Variants in SNX19 observed in about 807,000 individuals in gnomAD.
SNX19 encodes the protein sorting nexin 19.
In SNX19, 60 loss-of-function variants were observed where a neutral mutation model predicts 85.2. The observed-to-expected ratio is 0.70, with a 90% confidence interval of 0.57 to 0.87. The LOEUF (loss-of-function observed/expected upper bound fraction) is 0.87, where lower values mean the gene tolerates loss of function less well. Ranked by LOEUF, SNX19 falls within the 40% of genes least tolerant of loss-of-function variation. The pLI, the probability that SNX19 is intolerant of heterozygous loss-of-function variation, is 0.00. For missense variants in SNX19, 1,201 were observed against 1,217.8 expected (o/e 0.99, Z 0.21); for synonymous variants, 520 against 470.0 (o/e 1.11, Z -1.38).
chr11:130,896,721 T>C (rs1230819793), intron 8 of SNX19, among the ~76,000 whole-genome samples: 1 of 152,234 alleles, frequency 6.6e-6, no homozygotes, highest in African/African-American at 2.4e-5. Flanking sequence ...TACATGTCTA[T>C]CTCATAGAAT....
intron 8 of SNX19, among the ~76,000 whole-genome samples, chr11:130,882,797 A>C (rs1399985478): frequency 6.6e-6 from 1 of 152,172 alleles, no homozygotes; most frequent in Non-Finnish European, 1.5e-5. Flanking sequence ...CTTCACCTCA[A>C]GCCATGTATA....
intron 7 of SNX19, among the ~76,000 whole-genome samples, chr11:130,905,379 G>A (rs1475291766): frequency 5.9e-5 from 9 of 152,122 alleles, no homozygotes; most frequent in Admixed American, 3.3e-4. Context: ...TCTTGAACAC[G>A]TTACATTTCA....
intron 8 of SNX19, among the ~76,000 whole-genome samples, chr11:130,895,851 G>T (rs1163099009): frequency 6.6e-6 from 1 of 152,160 alleles, no homozygotes; most frequent in Non-Finnish European, 1.5e-5. Flanking sequence ...ATCCTAAGAT[G>T]GGTGTAGAAT....
intron 2 of SNX19, 132 bp from the exon 3 acceptor site, chr11:130,910,502 T>TC: frequency 1.5e-6 from 1 of 684,740 alleles, no homozygotes. Flanking sequence ...TTTCAGGACT[T>TC]CCAAATATAC....
intron 8 of SNX19, among the ~76,000 whole-genome samples, chr11:130,895,308 T>A (rs1178497598): frequency 6.6e-6 from 1 of 152,192 alleles, no homozygotes; most frequent in Non-Finnish European, 1.5e-5. Context: ...AAGACTCAGT[T>A]TCCATTTTGC....
In SNX19 at chr11:130,872,039, G is replaced by A. The variant is rs774860111; in HGVS notation, c.*6383C>T. 6.6e-6 allele frequency among the ~76,000 whole-genome samples: 1 copy of A among 152,008 alleles called. No individual in the cohort carries two copies. The stretch of plus-strand genomic sequence containing the variant: ...TGTTTTTTTAATTCTCCCCTCCTAA[G>A]CTTCCACATCCCAGAGATGGTGTGC... On this transcript the variant is annotated 3_prime_UTR_variant, in exon 11 of 11. Coordinates refer to ENST00000265909, the MANE Select transcript of SNX19 (RefSeq NM_014758.3).
intron 2 of SNX19, 64 bp from the exon 3 acceptor site, chr11:130,910,434 T>C (rs1946018238): frequency 8.5e-7 from 1 of 1,171,766 alleles, no homozygotes; most frequent in South Asian, 1.4e-5. Flanking sequence ...CTATTCCATA[T>C]AAAACATATA....
rs2135249277 is a variant in SNX19, at chr11:130,871,267, A to G, written c.*7155T>C. Among the ~76,000 whole-genome samples, 1 of 152,286 alleles carries G rather than the reference A, an allele frequency of 6.6e-6. No individual in the cohort carries two copies. Among genetic ancestry groups the G allele is most frequent in the East Asian group, 1.9e-4 (1 of 5,180 alleles). On this transcript the variant is annotated 3_prime_UTR_variant, in exon 11 of 11. Coordinates refer to ENST00000265909, the MANE Select transcript of SNX19 (RefSeq NM_014758.3). ...AACTAAGCCCATGTGATTCTCCTAG[A>G]GATGCATGAGTCCTTAATGAAAGCT...
At chr11:130,880,028 T>C (rs113655742) in intron 9 of SNX19, among the ~76,000 whole-genome samples, 62 of 152,314 alleles carry the variant, frequency 4.1e-4, no homozygotes, top group African/African-American at 1.4e-3. Context: ...TAAAACTGAT[T>C]GTCCAGAGCT....
intron 8 of SNX19, among the ~76,000 whole-genome samples, chr11:130,886,453 CGA>C (rs1191553349): frequency 6.6e-6 from 1 of 152,002 alleles, no homozygotes; most frequent in Non-Finnish European, 1.5e-5. Flanking sequence ...TTAGGAGTTC[CGA>C]GAGAAAGTAG....
In SNX19 at chr11:130,916,159, C is replaced by T; in HGVS notation, c.-220G>A. The T allele has an allele frequency of 3.5e-6, 2 of 576,454 alleles. No individual in the cohort carries two copies. The highest frequency in any genetic ancestry group is 6.1e-5 in the Admixed American group (2 of 32,660). The allele number at this position is 576,454 out of a possible 1,614,324, so 35.7% of individuals were successfully genotyped here. Reference sequence around the variant, plus strand: ...CACTAACAGAGCCCTCCAACTCGCCCCTTCCAGCTGAGGTGTGGCTTTGGA... The same window carrying T: ...CACTAACAGAGCCCTCCAACTCGCCTCTTCCAGCTGAGGTGTGGCTTTGGA... On this transcript the variant is annotated 5_prime_UTR_variant, in exon 1 of 11. Transcript: ENST00000265909.
intron 5 of SNX19, among the ~76,000 whole-genome samples, chr11:130,907,464 C>G (rs1362317978): frequency 2.0e-5 from 3 of 152,200 alleles, no homozygotes; most frequent in Middle Eastern, 3.4e-3. Context: ...CAGCTAGGGC[C>G]CTAGTGCAGG....
At chr11:130,891,790 C>A (rs6590523) in intron 8 of SNX19, among the ~76,000 whole-genome samples, 90,250 of 150,992 alleles carry the variant, frequency 0.6, 27,373 homozygotes, top group South Asian at 0.73. Context: ...AAAGCTCTAA[C>A]AATTTCTATA....
Position 130,910,025 on chromosome 11 carries a change from A to ATAG in SNX19, c.2026_2027insCTA (p.Arg675_Ile676insThr). The ATAG allele has an allele frequency of 6.2e-7, 1 of 1,613,334 alleles. No homozygotes were observed. The highest frequency in any genetic ancestry group is 8.5e-7 in the Non-Finnish European group (1 of 1,180,042). ...CAGTGGCCCTGCTGGTACCTTGTCT[A>ATAG]TTCTAGAGACCATAAATGGTTTCTT... is the stretch of plus-strand genomic sequence containing the variant. On this transcript the variant is annotated inframe_insertion, in exon 4 of 11. Coordinates refer to ENST00000265909, the MANE Select transcript of SNX19 (RefSeq NM_014758.3).
At chr11:130,888,667 A>G (rs976326461) in intron 8 of SNX19, among the ~76,000 whole-genome samples, 2 of 152,192 alleles carry the variant, frequency 1.3e-5, no homozygotes, top group Non-Finnish European at 2.9e-5. Context: ...TGGGGTCAAG[A>G]ACCTTTAACC....
Position 130,876,918 on chromosome 11 carries a change from A to T in SNX19, c.*1504T>A, listed in dbSNP as rs1454943826. 6 of 152,258 alleles carry T rather than the reference A, an allele frequency of 3.9e-5. No homozygotes were observed. The East Asian group carries it at 1.2e-3, about 29-fold the overall frequency. 9.4% of individuals were successfully genotyped at this position (152,258 alleles called of 1,614,324 possible). On this transcript the variant is annotated 3_prime_UTR_variant, in exon 11 of 11. Coordinates refer to ENST00000265909, the MANE Select transcript of SNX19 (RefSeq NM_014758.3). ...TTGCACACCTAAGCCTCCCGAATAC[A>T]TCAGACACAATTTAGGGTTAAAAGC...
chr11:130,909,025 A>G (rs1945884721), intron 4 of SNX19, among the ~76,000 whole-genome samples: 1 of 152,226 alleles, frequency 6.6e-6, no homozygotes, highest in Admixed American at 6.5e-5. Context: ...CAGGGAAAGA[A>G]CACTTGAGGA....
rs1943403909 is a variant in SNX19, at chr11:130,878,476, G to A, written c.2925C>T (p.Thr975=). 3 of 1,613,874 alleles carry A rather than the reference G, an allele frequency of 1.9e-6. No individual in the cohort carries two copies. The highest frequency in any genetic ancestry group is 1.7e-6 in the Non-Finnish European group (2 of 1,179,880). ...TGCCTGGGGTATCTGAGGCAGAGGT[G>A]GTAGCAGCAGACTCCTCAACAGAGG... is the stretch of plus-strand genomic sequence containing the variant. ...LSASVEESAA[T]TSASDTPGNS... Residue 975 remains threonine, a synonymous_variant, in exon 11 of 11, where the codon ACC becomes ACT. Coordinates refer to ENST00000265909, the MANE Select transcript of SNX19 (RefSeq NM_014758.3).
intron 8 of SNX19, among the ~76,000 whole-genome samples, chr11:130,899,088 C>T (rs531280044): frequency 4.6e-5 from 7 of 152,300 alleles, no homozygotes; most frequent in Admixed American, 3.9e-4. Flanking sequence ...GTACCGCTTT[C>T]GCAGGACTTG....
Sources: gnomAD v4.1 joint callset for allele counts (sites outside exome capture counted in the v4.1 genomes callset) on GRCh38, gnomAD v4.1.1 for gene constraint, MANE v1.5 for transcripts, NCBI Gene and HGNC (gene_info 2026-07-23, HGNC 2026-07-21) for gene names.